HCN1: variants seen among roughly 807,000 people sequenced by gnomAD.
The protein encoded by HCN1 is hyperpolarization activated cyclic nucleotide gated potassium channel 1, also known as potassium/sodium hyperpolarization-activated cyclic nucleotide-gated channel 1.
In HCN1, 13 loss-of-function variants were observed where a neutral mutation model predicts 78.9. The ratio of observed to expected loss-of-function variants is 0.16; its 90% CI spans 0.11 to 0.26. The LOEUF is 0.26. Among genes scored for constraint, HCN1 ranks in the 10% least tolerant of loss-of-function variants. The pLI is 1.00. For synonymous variants in HCN1, 552 were observed against 455.5 expected (o/e 1.21, Z -2.70); for missense variants, 810 against 1,154.3 (o/e 0.70, Z 4.32).
intron 5 of HCN1, among the ~76,000 whole-genome samples, chr5:45,329,230 A>T (rs1195450802): frequency 2.0e-5 from 3 of 151,554 alleles, no homozygotes; most frequent in Non-Finnish European, 4.4e-5. Context: ...CATCCCCAAC[A>T]AAAACTTTGT....
rs1744773226 is a variant in HCN1, at chr5:45,262,626, C to T, written c.1968G>A (p.Pro656=). The T allele has an allele frequency of 6.2e-7, 1 of 1,613,690 alleles. No individual in the cohort carries two copies. Among genetic ancestry groups the T allele is most frequent in the South Asian group, 1.1e-5 (1 of 91,060 alleles). ...GAGATTGTGTCCTCATGCGGGAGGT[C>T]GGGGTCGTAGTAGACGATGTGGAAT... ...TLNSTSSTTT[P]TSRMRTQSPP... is the part of the protein sequence containing the mutation. The change falls in exon 8 of 8, where the codon CCG becomes CCA. Residue 656 remains proline (P), a synonymous_variant. Coordinates refer to ENST00000303230, the MANE Select transcript of HCN1 (RefSeq NM_021072.4).
chr5:45,267,356 A>G (rs755475844), intron 6 of HCN1, 103 bp from the exon 7 acceptor site: 32 of 1,008,326 alleles, frequency 3.2e-5, no homozygotes, highest in Non-Finnish European at 4.7e-5. Flanking sequence ...GTGTGAAAAA[A>G]CAATTATTAG....
rs1744799740 is a variant in HCN1, at chr5:45,263,869, C to G, written c.1784-1059G>C. ...GTTGCAGTGGCACCATCCCAGCTCA[C>G]TGCAAGCTCTGCCTCCCGGGTTCAT... On this transcript the variant is annotated intron_variant, in intron 7 of 7. Coordinates refer to ENST00000303230, the MANE Select transcript of HCN1 (RefSeq NM_021072.4). 2.0e-5 allele frequency among the ~76,000 whole-genome samples: 3 copies of G among 152,154 alleles called. No individual in the cohort carries two copies. The South Asian group carries it at 6.2e-4, about 32-fold the overall frequency.
intron 2 of HCN1, among the ~76,000 whole-genome samples, chr5:45,536,564 C>A (rs572695966): frequency 9.7e-4 from 148 of 152,076 alleles, no homozygotes; most frequent in Non-Finnish European, 1.7e-3. Flanking sequence ...AGATTAAATT[C>A]TGTGTGTATT....
At chr5:45,376,461 C>G (rs1314076597) in intron 4 of HCN1, among the ~76,000 whole-genome samples, 1 of 149,492 alleles carries the variant, frequency 6.7e-6, no homozygotes, top group Admixed American at 6.9e-5. Context: ...TCATCAGACA[C>G]CAGATTGGCT....
chr5:45,332,202 A>G (rs773913567), intron 5 of HCN1, among the ~76,000 whole-genome samples: 2 of 151,460 alleles, frequency 1.3e-5, no homozygotes, highest in African/African-American at 4.8e-5. Context: ...TTGTGGGTAC[A>G]TAGTAGTTGT....
rs1229870595 is a variant in HCN1, at chr5:45,257,606, G to T, written c.*4315C>A. On this transcript the variant is annotated 3_prime_UTR_variant, in exon 8 of 8. Transcript: ENST00000303230. Reference sequence around the variant, plus strand: ...TGTCAAAGCCTGAATTGGAAGCAGGGTCAGCATTAGGGTGAGACAAGAGAT... The same window carrying T: ...TGTCAAAGCCTGAATTGGAAGCAGGTTCAGCATTAGGGTGAGACAAGAGAT... 1 of 152,140 alleles carries T rather than the reference G, an allele frequency of 6.6e-6. No individual in the cohort carries two copies. The highest frequency in any genetic ancestry group is 1.5e-5 in the Non-Finnish European group (1 of 68,030). 9.4% of individuals were successfully genotyped at this position (152,140 alleles called of 1,614,324 possible). A position where few individuals can be genotyped will look rare whatever the true frequency, so the allele number is the denominator to read the frequency against.
chr5:45,281,107 G>A (rs779891406), intron 6 of HCN1, among the ~76,000 whole-genome samples: 2 of 151,936 alleles, frequency 1.3e-5, no homozygotes, highest in African/African-American at 2.4e-5. Context: ...AGTTTGATTC[G>A]GTTGGAGGTT....
intron 2 of HCN1, chr5:45,641,709 T>C (rs1745458185): frequency 6.6e-6 from 1 of 152,202 alleles, no homozygotes; most frequent in Non-Finnish European, 1.5e-5. Flanking sequence ...CATTTGTATT[T>C]GCAATTAATA....
intron 2 of HCN1, among the ~76,000 whole-genome samples, chr5:45,586,810 A>G: frequency 6.6e-6 from 1 of 152,190 alleles, no homozygotes; most frequent in East Asian, 1.9e-4. Flanking sequence ...AAATTAATAA[A>G]TATTCGTGAT....
chr5:45,262,792 A>G lies in HCN1; in HGVS notation c.1802T>C (p.Leu601Pro). 4 of 1,614,016 alleles carry G rather than the reference A, an allele frequency of 2.5e-6. No homozygotes were observed. Among genetic ancestry groups the G allele is most frequent in the South Asian group, 1.1e-5 (1 of 91,080 alleles). The change falls in exon 8 of 8, where the codon CTT becomes CCT. Residue 601 changes from leucine to proline, a missense_variant. Coordinates refer to ENST00000303230, the MANE Select transcript of HCN1 (RefSeq NM_021072.4). ...LDRIGKKNSI[L>P]LQKFQKDLNT... ...CAGATCCTTCTGGAACTTTTGCAGA[A>G]GAATTGAATTTTTCTTTCCTGTCAG...
intron 5 of HCN1, among the ~76,000 whole-genome samples, chr5:45,320,982 T>A (rs1746115304): frequency 6.6e-6 from 1 of 151,818 alleles, no homozygotes; most frequent in Admixed American, 6.6e-5. Flanking sequence ...ACCAAGGAAC[T>A]GCAAGAAAAG....
At chr5:45,438,484 G>T (rs964306841) in intron 3 of HCN1, among the ~76,000 whole-genome samples, 2 of 151,894 alleles carry the variant, frequency 1.3e-5, no homozygotes, top group Non-Finnish European at 2.9e-5. Flanking sequence ...CCAGCTACTT[G>T]GGGGGCTGAG....
rs1470456619 is a variant in HCN1, at chr5:45,661,372, C to T, written c.426-15764G>A. ...AAGCAGGAAAGATCCAAAATCGACACCCTAACATCACAATTAAAAGAACTA... is the reference window on the plus strand; with the variant it reads ...AAGCAGGAAAGATCCAAAATCGACATCCTAACATCACAATTAAAAGAACTA... On this transcript the variant is annotated intron_variant, in intron 1 of 7. Coordinates refer to ENST00000303230, the MANE Select transcript of HCN1 (RefSeq NM_021072.4). 5.3e-5 allele frequency among the ~76,000 whole-genome samples: 8 copies of T among 150,854 alleles called. No homozygotes were observed. The South Asian group carries it at 1.1e-3, about 20-fold the overall frequency.
intron 2 of HCN1, among the ~76,000 whole-genome samples, chr5:45,610,701 A>T (rs561399318): frequency 6.6e-6 from 1 of 151,384 alleles, no homozygotes; most frequent in African/African-American, 2.4e-5. Flanking sequence ...TAATTAGCTT[A>T]ACAGCTTAGT....
intron 6 of HCN1, among the ~76,000 whole-genome samples, chr5:45,296,072 A>G (rs1047401170): frequency 2.0e-5 from 3 of 152,008 alleles, no homozygotes; most frequent in Admixed American, 2.0e-4. Flanking sequence ...ACCAGTAGCC[A>G]CCCCATGTCA....
intron 3 of HCN1, among the ~76,000 whole-genome samples, chr5:45,413,982 T>C (rs1740071048): frequency 6.6e-6 from 1 of 151,982 alleles, no homozygotes; most frequent in African/African-American, 2.4e-5. Context: ...GCTCAACAAA[T>C]TGTTGCCAAA....
chr5:45,386,946 A>T (rs957806650), intron 4 of HCN1, among the ~76,000 whole-genome samples: 1 of 152,092 alleles, frequency 6.6e-6, no homozygotes, highest in Admixed American at 6.6e-5. Context: ...TAACTTCAGT[A>T]AGTGGGAGAC....
At chr5:45,374,144 T>TATATATAATATATATTATATACATAA (rs541294819) in intron 4 of HCN1, among the ~76,000 whole-genome samples, 2 of 78,200 alleles carry the variant, frequency 2.6e-5, no homozygotes, top group Non-Finnish European at 5.1e-5. Context: ...TATATACATA[T>TATATATAATATATATTATATACATAA]TATATATAAT....
Sources: allele counts gnomAD v4.1 joint callset (sites outside exome capture counted in the v4.1 genomes callset), GRCh38; gene constraint gnomAD v4.1.1; transcripts MANE v1.5; gene names NCBI Gene and HGNC (gene_info 2026-07-23, HGNC 2026-07-21).